Variants in SCARA5 observed in about 807,000 individuals in gnomAD.
SCARA5 encodes scavenger receptor class A member 5.
In SCARA5, 45 loss-of-function variants were observed where a neutral mutation model predicts 46.3. The observed-to-expected ratio is 0.97, with a 90% CI of 0.76 to 1.24. SCARA5 has a LOEUF of 1.24. SCARA5 is among the 50% of genes most tolerant of loss of function. The probability of loss-of-function intolerance (pLI) is 0.00; values close to 1 mark genes in which losing one functional copy is unlikely to be tolerated. For synonymous variants in SCARA5, 333 were observed against 306.5 expected (o/e 1.09, Z -0.90); for missense variants, 680 against 689.0 (o/e 0.99, Z 0.15).
chr8:27,959,930 G>C (rs898494230), intron 3 of SCARA5, among the ~76,000 whole-genome samples: 7 of 152,160 alleles, frequency 4.6e-5, no homozygotes, highest in Non-Finnish European at 8.8e-5. Context: ...TTCTGTTCCT[G>C]TTTCTTGGCT....
At chr8:27,894,908 G>T (rs573780906) in intron 7 of SCARA5, among the ~76,000 whole-genome samples, 116 of 152,312 alleles carry the variant, frequency 7.6e-4, no homozygotes, top group African/African-American at 2.8e-3. Flanking sequence ...GCAATGAATG[G>T]ATGAATGGGA....
intron 8 of SCARA5, among the ~76,000 whole-genome samples, chr8:27,874,858 T>A (rs773409203): frequency 9.9e-5 from 15 of 152,204 alleles, no homozygotes; most frequent in Admixed American, 6.5e-4. Context: ...CTCCCTTCCG[T>A]GGCCTACCAA....
At chr8:27,895,617 GA>G (rs1038940918) in intron 7 of SCARA5, among the ~76,000 whole-genome samples, 15 of 152,340 alleles carry the variant, frequency 9.8e-5, no homozygotes, top group African/African-American at 2.6e-4. Flanking sequence ...CTGAGACTCA[GA>G]GAAGGGGAGT....
Position 27,936,592 on chromosome 8 carries a change from TAA to T in SCARA5, c.242-14349_242-14348del, listed in dbSNP as rs71222526. Among the ~76,000 whole-genome samples, 18 of 31,312 alleles carry T rather than the reference TAA, an allele frequency of 5.7e-4. No individual in the cohort carries two copies. The South Asian group carries it at 0.024, about 41-fold the overall frequency. The allele number at this position is 31,312 out of a possible 152,430, so 20.5% of individuals were successfully genotyped here. A position where few individuals can be genotyped will look rare whatever the true frequency, so the allele number is the denominator to read the frequency against. ...TGAGAGAGAAAGACTGTGTCTCCAT[TAA>T]AAAAAAAAAAAAAAAAAGGTGGGGA... On this transcript the variant is annotated intron_variant, in intron 3 of 8. Coordinates refer to ENST00000354914, the MANE Select transcript of SCARA5 (RefSeq NM_173833.6).
At chr8:27,940,760 GTCCATCCATCCATCCATCCA>G (rs60443615) in intron 3 of SCARA5, among the ~76,000 whole-genome samples, 4 of 128,278 alleles carry the variant, frequency 3.1e-5, no homozygotes, top group South Asian at 2.9e-4. Flanking sequence ...CCAACCATCT[GTCCATCCATCCATCCATCCA>G]TCCATCCATC....
chr8:27,925,342 C>T (rs1418960230), intron 3 of SCARA5, among the ~76,000 whole-genome samples: 1 of 152,182 alleles, frequency 6.6e-6, no homozygotes, highest in Non-Finnish European at 1.5e-5. Context: ...CACACATCTA[C>T]AATCATCTGA....
In SCARA5 at chr8:27,871,934, T is replaced by G. The variant is rs769507966; in HGVS notation, c.1488A>C (p.Ter496CysextTer110). The G allele has an allele frequency of 3.7e-6, 6 of 1,614,134 alleles. No individual in the cohort carries two copies. In the South Asian group the frequency reaches 6.6e-5, roughly 18 times the overall value. ...CCCCGAACTTGGGCTCTGCCCACTT[T>G]CAGTGTCTGTTGCATGTCACGCTGG... ...EDASVTCNRH[*>C] Residue 496 changes from the stop codon to cysteine, a stop_lost, in exon 9 of 9, where the codon TGA (stop) becomes TGC (cysteine). Transcript: ENST00000354914.
chr8:27,907,904 C>T (rs376152997), intron 5 of SCARA5, among the ~76,000 whole-genome samples: 8 of 152,166 alleles, frequency 5.3e-5, no homozygotes, highest in South Asian at 2.1e-4. Context: ...GTGCTTTCTA[C>T]GTGCCAGGCC....
intron 5 of SCARA5, 136 bp from the exon 6 acceptor site, chr8:27,907,382 T>C: frequency 1.7e-6 from 1 of 576,444 alleles, no homozygotes. Context: ...TTTCTGTTAA[T>C]CTAAAGATGC....
chr8:27,987,432 GGGT>G, intron 2 of SCARA5, 69 bp downstream of exon 2: 1 of 952,942 alleles, frequency 1.0e-6, no homozygotes, highest in Non-Finnish European at 1.7e-6. Flanking sequence ...TGCCAAGGTT[GGGT>G]GGTGGTAGGG....
At chr8:27,920,452 A>AAAAATAC (rs1449004581) in intron 4 of SCARA5, among the ~76,000 whole-genome samples, 3 of 151,826 alleles carry the variant, frequency 2.0e-5, no homozygotes, top group Non-Finnish European at 4.4e-5. Context: ...GTCTTCTACT[A>AAAAATAC]AAAATACAAA....
At chr8:27,880,857 G>GAA (rs71222524) in intron 7 of SCARA5, among the ~76,000 whole-genome samples, 28,671 of 94,592 alleles carry the variant, frequency 0.3, 5,046 homozygotes, top group Middle Eastern at 0.4. Context: ...CCTGTCTAAG[G>GAA]AAAAAAAAAA....
At chr8:27,990,172 C>T (rs538485238) in intron 1 of SCARA5, among the ~76,000 whole-genome samples, 4 of 152,346 alleles carry the variant, frequency 2.6e-5, no homozygotes, top group South Asian at 2.1e-4. Context: ...CTCCTCCCCA[C>T]CCCTCAGCTG....
intron 3 of SCARA5, among the ~76,000 whole-genome samples, chr8:27,939,335 C>T (rs185639572): frequency 6.6e-6 from 1 of 152,310 alleles, no homozygotes; most frequent in East Asian, 1.9e-4. Context: ...GTGCAAGTGG[C>T]TGGGTCAGAG....
intron 3 of SCARA5, among the ~76,000 whole-genome samples, chr8:27,941,682 T>C (rs983072626): frequency 5.3e-5 from 8 of 152,038 alleles, no homozygotes; most frequent in Non-Finnish European, 1.2e-4. Flanking sequence ...TTTGTAGGCA[T>C]TAATATTTAT....
chr8:27,979,191 C>T (rs995984938), intron 2 of SCARA5, among the ~76,000 whole-genome samples: 3 of 152,192 alleles, frequency 2.0e-5, no homozygotes, highest in Non-Finnish European at 2.9e-5. Context: ...TTGCCTCTCC[C>T]AGATGTGACT....
chr8:27,908,858 T>C (rs529466352), intron 5 of SCARA5: 31 of 152,276 alleles, frequency 2.0e-4, no homozygotes, highest in Admixed American at 5.9e-4. Context: ...CTTTCCTTCC[T>C]CCAGGCACTG....
chr8:27,933,628 C>T (rs1807812055), intron 3 of SCARA5, among the ~76,000 whole-genome samples: 1 of 151,100 alleles, frequency 6.6e-6, no homozygotes, highest in Non-Finnish European at 1.5e-5. Flanking sequence ...ACTTATATAA[C>T]TTTTTTGGAA....
chr8:27,965,033 C>A (rs1304123477), intron 3 of SCARA5, among the ~76,000 whole-genome samples: 2 of 152,148 alleles, frequency 1.3e-5, no homozygotes, highest in East Asian at 1.9e-4. Context: ...ACTCGGCCTG[C>A]GAGGGACCCT....
Sources: gnomAD v4.1 joint callset for allele counts (sites outside exome capture counted in the v4.1 genomes callset) on GRCh38, gnomAD v4.1.1 for gene constraint, MANE v1.5 for transcripts, NCBI Gene and HGNC (gene_info 2026-07-23, HGNC 2026-07-21) for gene names.